The following ERAP2 variants were observed in gnomAD, a reference collection of about 807,000 sequenced individuals.
ERAP2 encodes leukocyte-derived arginine aminopeptidase.
Under a neutral mutation model 111.1 loss-of-function variants are expected in ERAP2, and 118 were observed. The ratio of observed to expected loss-of-function variants is 1.06; its 90% CI spans 0.92 to 1.24. The LOEUF (loss-of-function observed/expected upper bound fraction) is 1.24, where lower values mean the gene tolerates loss of function less well. Ranked by LOEUF, ERAP2 falls within the 50% of genes most tolerant of loss-of-function variation. The pLI is 0.00. For synonymous variants in ERAP2, 410 were observed against 401.2 expected, an observed-to-expected ratio of 1.02 and a Z score of -0.26; for missense variants, 1,131 against 1,125.8, an observed-to-expected ratio of 1.00 and a Z score of -0.07.
chr5:96,892,556 A>G (rs1401181871), intron 6 of ERAP2, 103 bp downstream of exon 6: 2 of 1,372,068 alleles, frequency 1.5e-6, no homozygotes, highest in Non-Finnish European at 1.0e-6. Flanking sequence ...ATTTACCTCT[A>G]GAGGGGAACT....
At chr5:96,907,248 A>G (rs1002976977) in intron 13 of ERAP2, among the ~76,000 whole-genome samples, 17 of 152,250 alleles carry the variant, frequency 1.1e-4, no homozygotes, top group African/African-American at 4.1e-4. Context: ...AGGGTTAGTA[A>G]TGAGGACTTA....
chr5:96,879,931 C>T lies in ERAP2; in HGVS notation c.246C>T (p.Val82=), dbSNP rs1782961859. 7 of 1,614,162 alleles carry T rather than the reference C, an allele frequency of 4.3e-6. No individual in the cohort carries two copies. Among genetic ancestry groups the T allele is most frequent in the Non-Finnish European group, 5.9e-6 (7 of 1,180,026 alleles). The part of the protein sequence containing the change: ...VVIPLHYDLF[V]HPNLTSLDFV... ...TTCCTCTCCATTATGACCTCTTTGT[C>T]CACCCCAATCTCACCTCTCTGGACT... Residue 82 remains valine, a synonymous_variant, in exon 2 of 19, where the codon GTC becomes GTT. Coordinates refer to ENST00000437043, the MANE Select transcript of ERAP2 (RefSeq NM_022350.5).
chr5:96,889,039 C>A (rs1026798235), intron 4 of ERAP2, 146 bp from the exon 5 acceptor site: 1 of 955,702 alleles, frequency 1.0e-6, no homozygotes, highest in African/African-American at 1.7e-5. Context: ...CACAGAACCT[C>A]TTATCCTTAT....
intron 10 of ERAP2, among the ~76,000 whole-genome samples, chr5:96,900,505 T>C (rs1197662957): frequency 6.6e-6 from 1 of 152,098 alleles, no homozygotes; most frequent in East Asian, 1.9e-4. Flanking sequence ...AATGCCAAAA[T>C]AAGTATGCTG....
intron 9 of ERAP2, among the ~76,000 whole-genome samples, chr5:96,897,964 A>C (rs1031900342): frequency 6.6e-6 from 1 of 152,222 alleles, no homozygotes; most frequent in Non-Finnish European, 1.5e-5. Flanking sequence ...TGGGACACCA[A>C]GGTGGGTAGA....
At chr5:96,887,101 A>ATG (rs1491520525) in intron 4 of ERAP2, among the ~76,000 whole-genome samples, 2 of 21,566 alleles carry the variant, frequency 9.3e-5, no homozygotes, top group Non-Finnish European at 1.9e-4. Context: ...ATATATATAT[A>ATG]CACACACACA....
At chr5:96,890,271 A>G (rs1231247629) in intron 5 of ERAP2, among the ~76,000 whole-genome samples, 1 of 152,182 alleles carries the variant, frequency 6.6e-6, no homozygotes, top group African/African-American at 2.4e-5. Flanking sequence ...AAACTGTTCC[A>G]CCTCAGAGCA....
rs762010702 is a variant in ERAP2 at position 96,913,426 on chromosome 5, G to C, written c.2626G>C (p.Val876Leu). The C allele has an allele frequency of 1.2e-6, 2 of 1,614,108 alleles. No homozygotes were observed. The highest frequency in any genetic ancestry group is 8.5e-7 in the Non-Finnish European group (1 of 1,179,984). ...PKGQQLAWDF[V>L]RENWTHLLKK... ...GGGGCAGCAACTAGCATGGGATTTTGTAAGAGAAAATTGGACCCATCTTCT... is the reference window on the plus strand; with the variant it reads ...GGGGCAGCAACTAGCATGGGATTTTCTAAGAGAAAATTGGACCCATCTTCT... Residue 876 changes from valine (V) to leucine (L), a missense_variant, in exon 17 of 19, where the codon GTA becomes CTA. Val to Leu is a conservative substitution (Grantham distance 32). Transcript: ENST00000437043.
chr5:96,897,203 A>G (rs2151163839), intron 9 of ERAP2, among the ~76,000 whole-genome samples: 1 of 152,346 alleles, frequency 6.6e-6, no homozygotes, highest in East Asian at 1.9e-4. Context: ...AAGGTTGTCA[A>G]CTGTATTCCC....
chr5:96,891,500 TA>T (rs1784366948), intron 5 of ERAP2, among the ~76,000 whole-genome samples: 1 of 25,142 alleles, frequency 4.0e-5, no homozygotes. Flanking sequence ...TGTGTGTGTG[TA>T]TATATATATA....
intron 9 of ERAP2, among the ~76,000 whole-genome samples, chr5:96,897,741 A>C (rs1018091368): frequency 6.6e-6 from 1 of 152,204 alleles, no homozygotes; most frequent in African/African-American, 2.4e-5. Flanking sequence ...CTGCAAAGAA[A>C]ATAATTTTTT....
chr5:96,911,731 G>A (rs1786758207), intron 15 of ERAP2, among the ~76,000 whole-genome samples: 1 of 151,594 alleles, frequency 6.6e-6, no homozygotes, highest in African/African-American at 2.4e-5. Flanking sequence ...AAATTAGCCG[G>A]GCATGGTGCT....
At chr5:96,884,762 C>T (rs573630539) in intron 3 of ERAP2, among the ~76,000 whole-genome samples, 49 of 152,106 alleles carry the variant, frequency 3.2e-4, no homozygotes, top group African/African-American at 1.1e-3. Context: ...GGTTTCACCA[C>T]GTTAGTCAGC....
intron 13 of ERAP2, among the ~76,000 whole-genome samples, chr5:96,906,555 A>T (rs927471947): frequency 6.6e-6 from 1 of 152,206 alleles, no homozygotes; most frequent in Non-Finnish European, 1.5e-5. Flanking sequence ...GGTGTGAGCC[A>T]CTGCACCCAG....
chr5:96,916,060 A>G (rs1367716425), intron 18 of ERAP2, among the ~76,000 whole-genome samples: 1 of 152,124 alleles, frequency 6.6e-6, no homozygotes, highest in East Asian at 1.9e-4. Flanking sequence ...GTCTCTAATA[A>G]AAATACAAAA....
intron 1 of ERAP2, among the ~76,000 whole-genome samples, chr5:96,878,032 G>A (rs1236699933): frequency 6.6e-6 from 1 of 152,206 alleles, no homozygotes; most frequent in Non-Finnish European, 1.5e-5. Context: ...CAGTAAGGAA[G>A]TAAGTAGAGG....
intron 10 of ERAP2, among the ~76,000 whole-genome samples, chr5:96,901,104 C>T (rs1785407491): frequency 6.6e-6 from 1 of 152,186 alleles, no homozygotes; most frequent in Non-Finnish European, 1.5e-5. Context: ...ATATTTAAAG[C>T]TTCCCTAAAG....
chr5:96,894,725 A>C (rs570872637), intron 6 of ERAP2, among the ~76,000 whole-genome samples: 1 of 152,228 alleles, frequency 6.6e-6, no homozygotes, highest in African/African-American at 2.4e-5. Flanking sequence ...AGAGGTTAAC[A>C]ACTGAATTTG....
chr5:96,900,268 C>T, intron 10 of ERAP2, 79 bp downstream of exon 10: 1 of 1,515,974 alleles, frequency 6.6e-7, no homozygotes, highest in Non-Finnish European at 8.8e-7. Context: ...TACAGAGTAG[C>T]CCACCTGTCC....
Sources: gnomAD v4.1 joint callset for allele counts (sites outside exome capture counted in the v4.1 genomes callset) on GRCh38, gnomAD v4.1.1 for gene constraint, MANE v1.5 for transcripts, NCBI Gene and HGNC (gene_info 2026-07-23, HGNC 2026-07-21) for gene names.